JCAD: variants seen among roughly 807,000 people sequenced by gnomAD.
The protein encoded by JCAD is junctional cadherin 5 associated, also known as junctional cadherin 5-associated protein.
JCAD carries 40 observed loss-of-function variants against 98.0 expected under a neutral mutation model. The observed-to-expected ratio is 0.41, with a 90% CI of 0.32 to 0.53. JCAD has a LOEUF of 0.53. Ranked by LOEUF, JCAD falls within the 20% of genes least tolerant of loss-of-function variation. The probability of loss-of-function intolerance (pLI) is 0.31; values close to 1 mark genes in which losing one functional copy is unlikely to be tolerated. For missense variants in JCAD, 1,705 were observed against 1,738.1 expected, an observed-to-expected ratio of 0.98 and a Z score of 0.34; for synonymous variants, 691 against 682.3, an observed-to-expected ratio of 1.01 and a Z score of -0.20.
intron 1 of JCAD, among the ~76,000 whole-genome samples, chr10:30,104,905 A>G (rs1006441823): frequency 3.3e-5 from 5 of 152,080 alleles, no homozygotes; most frequent in African/African-American, 1.2e-4. Context: ...TCTGTTATTC[A>G]CATGTTACCT....
chr10:30,027,641 T>C lies in JCAD; in HGVS notation c.2507A>G (p.Glu836Gly). Reference sequence around the variant, plus strand: ...TTCCTGGAGCTCCTTGTTAAAACTTTCTAACTGACTGATCAAATCCCAGGG... The same window carrying C: ...TTCCTGGAGCTCCTTGTTAAAACTTCCTAACTGACTGATCAAATCCCAGGG... ...RRPWDLISQL[E>G]SFNKELQEEE... The change falls in exon 3 of 4, where the codon GAA becomes GGA. Residue 836 changes from glutamate (E) to glycine (G), a missense_variant. Transcript: ENST00000375377. The C allele has an allele frequency of 6.2e-7, 1 of 1,614,252 alleles. No homozygotes were observed. The highest frequency in any genetic ancestry group is 1.1e-5 in the South Asian group (1 of 91,090).
intron 1 of JCAD, among the ~76,000 whole-genome samples, chr10:30,073,176 G>A (rs139185457): frequency 2.6e-5 from 4 of 152,332 alleles, no homozygotes; most frequent in Admixed American, 2.0e-4. Flanking sequence ...GAAGAAGTAC[G>A]TAGGCTTTGG....
intron 1 of JCAD, among the ~76,000 whole-genome samples, chr10:30,103,489 T>G (rs1838504940): frequency 6.6e-6 from 1 of 152,220 alleles, no homozygotes; most frequent in African/African-American, 2.4e-5. Context: ...GGAAGGAACT[T>G]CAAACGTTGT....
chr10:30,045,370 T>C lies in JCAD; in HGVS notation c.281+2162A>G, dbSNP rs561408638. 1.4e-4 allele frequency among the ~76,000 whole-genome samples: 21 copies of C among 152,308 alleles called. No homozygotes were observed. In the South Asian group the frequency reaches 4.4e-3, roughly 32 times the overall value. ...TTACTTCATTAGAAACTGACCGTTC[T>C]GCTTTTCAACAGTTGCTACAATTGG... is the stretch of plus-strand genomic sequence containing the variant. On this transcript the variant is annotated intron_variant, in intron 2 of 3. Coordinates refer to ENST00000375377, the MANE Select transcript of JCAD (RefSeq NM_020848.4).
intron 1 of JCAD, among the ~76,000 whole-genome samples, chr10:30,082,312 T>TA (rs1341276148): frequency 1.3e-5 from 2 of 152,108 alleles, no homozygotes; most frequent in African/African-American, 4.8e-5. Flanking sequence ...GATTATTTTG[T>TA]AAAAAATTTG....
At chr10:30,093,931 CT>C (rs1215726561) in intron 1 of JCAD, among the ~76,000 whole-genome samples, 1 of 152,208 alleles carries the variant, frequency 6.6e-6, no homozygotes, top group East Asian at 1.9e-4. Context: ...GGGTCCTCTC[CT>C]GAAAGCTTGC....
At chr10:30,089,660 A>G (rs542948450) in intron 1 of JCAD, among the ~76,000 whole-genome samples, 3 of 152,132 alleles carry the variant, frequency 2.0e-5, no homozygotes, top group Admixed American at 6.6e-5. Context: ...TTCATAGAAT[A>G]CAGGGTTACC....
chr10:30,110,761 C>G (rs191806933), intron 1 of JCAD, among the ~76,000 whole-genome samples: 16 of 152,022 alleles, frequency 1.1e-4, no homozygotes, highest in Non-Finnish European at 1.9e-4. Flanking sequence ...ATGAGTGACC[C>G]ACCAATATAT....
At chr10:30,040,635 G>C (rs903404386) in intron 2 of JCAD, among the ~76,000 whole-genome samples, 2 of 152,204 alleles carry the variant, frequency 1.3e-5, no homozygotes, top group African/African-American at 4.8e-5. Context: ...AGAAAAGGTG[G>C]TCACTAGTCA....
At chr10:30,053,039 T>C (rs1457535366) in intron 1 of JCAD, among the ~76,000 whole-genome samples, 1 of 152,156 alleles carries the variant, frequency 6.6e-6, no homozygotes, top group Non-Finnish European at 1.5e-5. Context: ...GAGACAAATA[T>C]ACTATTAAAA....
intron 1 of JCAD, among the ~76,000 whole-genome samples, chr10:30,111,622 C>CATAAAGCTATGT (rs1416604539): frequency 6.6e-6 from 1 of 151,976 alleles, no homozygotes; most frequent in Non-Finnish European, 1.5e-5. Flanking sequence ...CATGATAAAT[C>CATAAAGCTATGT]ATAAAGCTAT....
chr10:30,027,345 A>G lies in JCAD; in HGVS notation c.2803T>C (p.Phe935Leu). 3 of 1,612,538 alleles carry G rather than the reference A, an allele frequency of 1.9e-6. No homozygotes were observed. The highest frequency in any genetic ancestry group is 1.1e-5 in the South Asian group (1 of 91,084). The stretch of plus-strand genomic sequence containing the variant: ...GCACCGCCACCTTCTTCCACGCGAA[A>G]GCGGCCCGGGGATGGAGGCCAGGCA... The part of the protein sequence containing the change: ...PRAWPPSPGR[F>L]RVEEGGGAPF... Residue 935 changes from phenylalanine to leucine, a missense_variant, in exon 3 of 4, where the codon TTT becomes CTT. Coordinates refer to ENST00000375377, the MANE Select transcript of JCAD (RefSeq NM_020848.4).
chr10:30,024,755 G>C (rs960690517), intron 3 of JCAD, among the ~76,000 whole-genome samples: 14 of 148,358 alleles, frequency 9.4e-5, no homozygotes, highest in Non-Finnish European at 2.1e-4. Flanking sequence ...GAGTGCAGAG[G>C]CACAATCTCG....
Position 30,027,752 on chromosome 10 carries a change from C to G in JCAD, c.2396G>C (p.Arg799Pro). The change falls in exon 3 of 4, where the codon CGG becomes CCG. Residue 799 changes from arginine (R) to proline (P), a missense_variant. By Grantham distance (103) the Arg-to-Pro change is moderately radical. Coordinates refer to ENST00000375377, the MANE Select transcript of JCAD (RefSeq NM_020848.4). ...HGLGAHPGPK[R>P]EVVKGEPTGP... ...CGTGGGCTCCCCCTTCACCACCTCC[C>G]GCTTAGGCCCAGGGTGGGCTCCAAG... is the stretch of plus-strand genomic sequence containing the variant. 4 of 1,614,262 alleles carry G rather than the reference C, an allele frequency of 2.5e-6. No homozygotes were observed. Among genetic ancestry groups the G allele is most frequent in the Non-Finnish European group, 3.4e-6 (4 of 1,180,048 alleles).
intron 1 of JCAD, among the ~76,000 whole-genome samples, chr10:30,072,250 A>T (rs1014320505): frequency 6.6e-6 from 1 of 152,116 alleles, no homozygotes; most frequent in Non-Finnish European, 1.5e-5. Context: ...TGAAAGAAAA[A>T]AATTAGAGGC....
At chr10:30,090,354 C>T (rs970735924) in intron 1 of JCAD, among the ~76,000 whole-genome samples, 10 of 152,136 alleles carry the variant, frequency 6.6e-5, no homozygotes, top group African/African-American at 2.4e-4. Flanking sequence ...CCAGCCTGAC[C>T]AACATGGTGA....
intron 1 of JCAD, among the ~76,000 whole-genome samples, chr10:30,081,288 C>A (rs1482613334): frequency 6.6e-6 from 1 of 152,204 alleles, no homozygotes; most frequent in Non-Finnish European, 1.5e-5. Flanking sequence ...TCTGGAATTT[C>A]TTTGGTTACA....
At position 30,027,375 on chromosome 10, in the gene JCAD, G is replaced by C; in HGVS notation, c.2773C>G (p.Pro925Ala). 6.2e-7 allele frequency: 1 copy of C among 1,609,060 alleles called. No individual in the cohort carries two copies. Among genetic ancestry groups the C allele is most frequent in the African/African-American group, 1.3e-5 (1 of 75,040 alleles). Residue 925 changes from proline (P) to alanine (A), a missense_variant, in exon 3 of 4, where the codon CCA becomes GCA. Transcript: ENST00000375377. ...CCCGGGGATGGAGGCCAGGCACGTGGGTGGCCAGGCTGCAGCTCCTCACTC... is the reference window on the plus strand; with the variant it reads ...CCCGGGGATGGAGGCCAGGCACGTGCGTGGCCAGGCTGCAGCTCCTCACTC... ...SWSEELQPGH[P>A]RAWPPSPGRF...
chr10:30,031,955 T>C (rs933146745), intron 2 of JCAD, among the ~76,000 whole-genome samples: 83 of 150,892 alleles, frequency 5.5e-4, no homozygotes, highest in South Asian at 6.3e-4. Flanking sequence ...GGGGTTTCAC[T>C]GTTTTAGCCG....
Sources: allele counts gnomAD v4.1 joint callset (sites outside exome capture counted in the v4.1 genomes callset), GRCh38; gene constraint gnomAD v4.1.1; transcripts MANE v1.5; gene names NCBI Gene and HGNC (gene_info 2026-07-23, HGNC 2026-07-21).